The following COL7A1 variants were observed in gnomAD, a reference collection of about 807,000 sequenced individuals.
COL7A1 encodes the protein collagen alpha-1(VII) chain.
A neutral mutation model predicts 456.2 loss-of-function variants in COL7A1; 296 were observed. That is an observed-to-expected ratio of 0.65 (90% CI 0.59 to 0.71). The LOEUF is 0.71. COL7A1 is among the 30% of genes least tolerant of loss of function. The pLI is 0.00. For synonymous variants in COL7A1, 1,464 were observed against 1,525.9 expected, an observed-to-expected ratio of 0.96 and a Z score of 0.95; for missense variants, 3,441 against 4,017.2, an observed-to-expected ratio of 0.86 and a Z score of 3.88.
In COL7A1 at chr3:48,568,618, G is replaced by A; in HGVS notation, c.7759-84C>T. On this transcript the variant is annotated intron_variant, in intron 104 of 118. Coordinates refer to ENST00000681320, the MANE Select transcript of COL7A1 (RefSeq NM_000094.4). This position sits in a 1 kb window ranked among gnomAD's most constrained non-coding sequence, Gnocchi z 5.2. Reference sequence around the variant, plus strand: ...CCGCTGCATGTGTGGCCACTCAGATGCTCAGCGGCCAGGGCCCAGGCCACA... The same window carrying A: ...CCGCTGCATGTGTGGCCACTCAGATACTCAGCGGCCAGGGCCCAGGCCACA... The A allele has an allele frequency of 2.6e-6, 4 of 1,524,026 alleles. No individual in the cohort carries two copies. Among genetic ancestry groups the A allele is most frequent in the Non-Finnish European group, 3.6e-6 (4 of 1,119,984 alleles). 94.4% of individuals were successfully genotyped at this position (1,524,026 alleles called of 1,614,324 possible). A position where few individuals can be genotyped will look rare whatever the true frequency, so the allele number is the denominator to read the frequency against.
intron 34 of COL7A1, 44 bp from the exon 35 acceptor site, chr3:48,584,813 A>G (rs1233768349): frequency 5.6e-6 from 9 of 1,613,822 alleles, no homozygotes; most frequent in Non-Finnish European, 7.6e-6. Context: ...GGCTCAGGCG[A>G]ATGTCAACGT....
In COL7A1 at chr3:48,585,271, G is replaced by A. The variant is rs113845991; in HGVS notation, c.3895-155C>T. 0.017 allele frequency among the ~76,000 whole-genome samples: 2,513 copies of A among 152,270 alleles called. 68 individuals carry two copies. Among genetic ancestry groups the A allele is most frequent in the African/African-American group, 0.057 (2,361 of 41,540 alleles). ...AGTGAGGCAGAGAAATGGCCCCTCA[G>A]AGCTTCACAGAGCCCAATTCCAGGC... On this transcript the variant is annotated intron_variant, in intron 32 of 118. Coordinates refer to ENST00000681320, the MANE Select transcript of COL7A1 (RefSeq NM_000094.4). This position sits in a 1 kb window ranked among gnomAD's most constrained non-coding sequence, Gnocchi z 4.5.
chr3:48,569,708 C>T lies in COL7A1; in HGVS notation c.7557+17G>A, dbSNP rs2043790075. ...GCACCCTGGCCCCTGCCCTGCCCTC[C>T]CCATGCCCACACTCACCTTGTCACC... On this transcript the variant is annotated intron_variant, in intron 101 of 118. Coordinates refer to ENST00000681320, the MANE Select transcript of COL7A1 (RefSeq NM_000094.4). This position sits in a 1 kb window ranked among gnomAD's most constrained non-coding sequence, Gnocchi z 4.9. 1 of 1,614,052 alleles carries T rather than the reference C, an allele frequency of 6.2e-7. No homozygotes were observed. Among genetic ancestry groups the T allele is most frequent in the Admixed American group, 1.7e-5 (1 of 60,012 alleles).
Position 48,592,958 on chromosome 3 carries a change from G to A in COL7A1, c.683-20C>T, listed in dbSNP as rs2045814828. The A allele has an allele frequency of 6.2e-7, 1 of 1,613,388 alleles. No homozygotes were observed. The highest frequency in any genetic ancestry group is 1.3e-5 in the African/African-American group (1 of 75,044). On this transcript the variant is annotated intron_variant, in intron 6 of 118. Transcript: ENST00000681320. This position sits in a 1 kb window ranked among gnomAD's most constrained non-coding sequence, Gnocchi z 7.6. The stretch of plus-strand genomic sequence containing the variant: ...CATCCGCTGGGAATGCGGGATCAGG[G>A]GATCAGGCAGGAGGATTGGGGTGGG...
chr3:48,587,011 C>T lies in COL7A1; in HGVS notation c.3237G>A (p.Leu1079=), dbSNP rs777110195. The change falls in exon 25 of 119, where the codon CTG becomes CTA. Residue 1079 remains leucine, a synonymous_variant. Coordinates refer to ENST00000681320, the MANE Select transcript of COL7A1 (RefSeq NM_000094.4). This position sits in a 1 kb window ranked among gnomAD's most constrained non-coding sequence, Gnocchi z 6.1. ...GCCCAAGAGGCCCAAGTGCCAACACCAGACGCTCCAGGACCCTCCTCGTAG... is the reference window on the plus strand; with the variant it reads ...GCCCAAGAGGCCCAAGTGCCAACACTAGACGCTCCAGGACCCTCCTCGTAG... ...AEATRRVLER[L]VLALGPLGPQ... 1.2e-6 allele frequency: 2 copies of T among 1,601,874 alleles called. No individual in the cohort carries two copies. The highest frequency in any genetic ancestry group is 2.7e-5 in the African/African-American group (2 of 74,746).
In COL7A1 at chr3:48,575,513, G is replaced by A. The variant is rs200826090; in HGVS notation, c.6006C>T (p.Arg2002=). Residue 2002 remains arginine, a synonymous_variant, in exon 74 of 119, where the codon CGC becomes CGT. Transcript: ENST00000681320. The surrounding 1 kb of genome is among the most constrained non-coding windows in gnomAD (Gnocchi z 6.3). ...GGTCTCCACGGTCGCCCTTCAGCCCGCGTTCTCCAGGAAAGCCGATGGGGC... is the reference window on the plus strand; with the variant it reads ...GGTCTCCACGGTCGCCCTTCAGCCCACGTTCTCCAGGAAAGCCGATGGGGC... ...KEGPIGFPGE[R]GLKGDRGDPG... The A allele has an allele frequency of 4.5e-5, 72 of 1,612,556 alleles. No homozygotes were observed. The highest frequency in any genetic ancestry group is 5.3e-5 in the Non-Finnish European group (63 of 1,179,938).
In COL7A1 at chr3:48,593,120, C is replaced by T. The variant is rs942152368; in HGVS notation, c.664G>A (p.Val222Met). Residue 222 changes from valine to methionine, a missense_variant, in exon 6 of 119, where the codon GTG becomes ATG. By Grantham distance (21) the Val-to-Met change is conservative. Transcript: ENST00000681320. The surrounding 1 kb of genome is among the most constrained non-coding windows in gnomAD (Gnocchi z 4.4). ...SRRVCTTAGG[V>M]PVTRPPDDST... Reference sequence around the variant, plus strand: ...AACTCACGAGGTCGGGTCACAGGCACGCCACCAGCAGTCGTGCACACTCTC... The same window carrying T: ...AACTCACGAGGTCGGGTCACAGGCATGCCACCAGCAGTCGTGCACACTCTC... The T allele has an allele frequency of 1.2e-5, 20 of 1,614,032 alleles. No individual in the cohort carries two copies. Among genetic ancestry groups the T allele is most frequent in the East Asian group, 6.7e-5 (3 of 44,866 alleles).
chr3:48,572,472 C>A lies in COL7A1; in HGVS notation c.6936+31G>T. ...ATTCCTTGGCCCCCACCAGTTGACC[C>A]CCCCTCACTGGCAGCCCCACACACA... On this transcript the variant is annotated intron_variant, in intron 89 of 118. Transcript: ENST00000681320. This position sits in a 1 kb window ranked among gnomAD's most constrained non-coding sequence, Gnocchi z 4.6. 2 of 1,613,840 alleles carry A rather than the reference C, an allele frequency of 1.2e-6. No homozygotes were observed. The highest frequency in any genetic ancestry group is 2.7e-5 in the African/African-American group (2 of 74,918).
rs747379479 is a variant in COL7A1, at chr3:48,595,100, T to C, written c.60A>G (p.Arg20=). The part of the protein sequence containing the change: ...LCAGILAEAP[R]VRAQHRERVT... ...CTCTCTCCCTGTGCTGGGCTCGCACTCGGGGCGCCTCTGCCAGGATCCCGG... is the reference window on the plus strand; with the variant it reads ...CTCTCTCCCTGTGCTGGGCTCGCACCCGGGGCGCCTCTGCCAGGATCCCGG... Residue 20 remains arginine, a synonymous_variant, in exon 2 of 119, where the codon CGA becomes CGG. Coordinates refer to ENST00000681320, the MANE Select transcript of COL7A1 (RefSeq NM_000094.4). 1.9e-6 allele frequency: 3 copies of C among 1,552,978 alleles called. No homozygotes were observed. The South Asian group carries it at 3.6e-5, about 18-fold the overall frequency.
At position 48,582,501 on chromosome 3, in the gene COL7A1, G is replaced by A. The variant is rs777042465; in HGVS notation, c.4576C>T (p.Pro1526Ser). 6 of 1,614,132 alleles carry A rather than the reference G, an allele frequency of 3.7e-6. No homozygotes were observed. The African/African-American group carries it at 6.7e-5, about 18-fold the overall frequency. Residue 1526 changes from proline (P) to serine (S), a missense_variant, in exon 46 of 119, where the codon CCC (proline) becomes TCC (serine). This residue lies in a region of COL7A1 where 2,084 missense variants were observed against 2,501.3 expected (regional missense o/e 0.83). Transcript: ENST00000681320. Reference protein sequence around the residue: ...GAKGPEGPPGPTGRQGEKGEP... With the variant: ...GAKGPEGPPGSTGRQGEKGEP... ...ACCTTCTCTCCTTGGCGGCCAGTGG[G>A]TCCTGGTGGCCCCTGAATGTAGAGA... is the stretch of plus-strand genomic sequence containing the variant.
chr3:48,575,544 A>C lies in COL7A1; in HGVS notation c.5980-5T>G, dbSNP rs1560217036. The C allele has an allele frequency of 6.2e-7, 1 of 1,612,750 alleles. No homozygotes were observed. The highest frequency in any genetic ancestry group is 2.2e-5 in the East Asian group (1 of 44,880). ...TCCAGGAAAGCCGATGGGGCCCTGC[A>C]GGAGTGGAAGAGAGAATGCTGGTGG... is the stretch of plus-strand genomic sequence containing the variant. On this transcript the variant is annotated splice_region_variant and splice_polypyrimidine_tract_variant and intron_variant, in intron 73 of 118. Transcript: ENST00000681320. This position sits in a 1 kb window ranked among gnomAD's most constrained non-coding sequence, Gnocchi z 6.3.
intron 44 of COL7A1, 106 bp downstream of exon 44, chr3:48,582,907 G>T: frequency 6.6e-7 from 1 of 1,519,756 alleles, no homozygotes; most frequent in South Asian, 1.1e-5. Context: ...AGTGGTCATT[G>T]AGGAGGGGTG....
In COL7A1 at chr3:48,573,645, C is replaced by G. The variant is rs759063140; in HGVS notation, c.6573+45G>C. On this transcript the variant is annotated intron_variant, in intron 82 of 118. Transcript: ENST00000681320. This position sits in a 1 kb window ranked among gnomAD's most constrained non-coding sequence, Gnocchi z 5.5. ...CATCAGCTGTGGCCAATGCCTATCCCAGCCCTTCCAGACCCTCACCAGGCA... is the reference window on the plus strand; with the variant it reads ...CATCAGCTGTGGCCAATGCCTATCCGAGCCCTTCCAGACCCTCACCAGGCA... The G allele has an allele frequency of 1.9e-6, 3 of 1,612,794 alleles. No homozygotes were observed. Among genetic ancestry groups the G allele is most frequent in the South Asian group, 1.1e-5 (1 of 90,944 alleles).
At position 48,574,504 on chromosome 3, in the gene COL7A1, C is replaced by T. The variant is rs760834801; in HGVS notation, c.6440G>A (p.Gly2147Asp). 4.3e-6 allele frequency: 7 copies of T among 1,614,100 alleles called. No individual in the cohort carries two copies. The highest frequency in any genetic ancestry group is 5.9e-6 in the Non-Finnish European group (7 of 1,180,024). Residue 2147 changes from glycine to aspartate, a missense_variant, in exon 79 of 119, where the codon GGT becomes GAT. Coordinates refer to ENST00000681320, the MANE Select transcript of COL7A1 (RefSeq NM_000094.4). The surrounding 1 kb of genome is among the most constrained non-coding windows in gnomAD (Gnocchi z 5.0). ...KGDRGEPGPRGQDGNPGLPGE... is the reference protein window; with the variant it reads ...KGDRGEPGPRDQDGNPGLPGE... ...AGGACTTACCGGGTTGCCGTCCTGACCCCTCGGTCCAGGCTCTCCCCGGTC... is the reference window on the plus strand; with the variant it reads ...AGGACTTACCGGGTTGCCGTCCTGATCCCTCGGTCCAGGCTCTCCCCGGTC...
rs2045538364 is a variant in COL7A1 at position 48,589,466 on chromosome 3, T to G, written c.2175A>C (p.Pro725=). ...CCCCAGAAACCAACTGGGATTTCTC[T>G]GGGCCTGGGAACAGGGATGGAGGCA... The part of the protein sequence containing the change: ...YRVSWHSAHG[P]EKSQLVSGEA... The change falls in exon 18 of 119, where the codon CCA becomes CCC. Residue 725 remains proline, a synonymous_variant. Transcript: ENST00000681320. 1.9e-6 allele frequency: 3 copies of G among 1,613,676 alleles called. No homozygotes were observed. Among genetic ancestry groups the G allele is most frequent in the Non-Finnish European group, 2.5e-6 (3 of 1,180,014 alleles).
chr3:48,581,982 T>C lies in COL7A1; in HGVS notation c.4636-39A>G, dbSNP rs562634817. On this transcript the variant is annotated intron_variant, in intron 47 of 118. Coordinates refer to ENST00000681320, the MANE Select transcript of COL7A1 (RefSeq NM_000094.4). This position sits in a 1 kb window ranked among gnomAD's most constrained non-coding sequence, Gnocchi z 5.8. ...GGACAGATACAGCTTGGCCCTGCCT[T>C]GGGGTTGTATGATCAAAGTCTTCAT... The C allele has an allele frequency of 2.7e-5, 43 of 1,613,818 alleles. No homozygotes were observed. In the Admixed American group the frequency reaches 5.5e-4, roughly 21 times the overall value.
Position 48,566,785 on chromosome 3 carries a change from C to T in COL7A1, c.8227-48G>A. The T allele has an allele frequency of 1.2e-6, 2 of 1,608,954 alleles. No homozygotes were observed. Among genetic ancestry groups the T allele is most frequent in the Non-Finnish European group, 8.5e-7 (1 of 1,176,512 alleles). Reference sequence around the variant, plus strand: ...GAGCAGGGTCAGAGGCAGTGGGGATCAGAGTCAGGCAGGTTGGGGGCCACA... The same window carrying T: ...GAGCAGGGTCAGAGGCAGTGGGGATTAGAGTCAGGCAGGTTGGGGGCCACA... On this transcript the variant is annotated intron_variant, in intron 111 of 118. Coordinates refer to ENST00000681320, the MANE Select transcript of COL7A1 (RefSeq NM_000094.4). The surrounding 1 kb of genome is among the most constrained non-coding windows in gnomAD (Gnocchi z 5.9).
At position 48,575,076 on chromosome 3, in the gene COL7A1, G is replaced by T. The variant is rs2044195716; in HGVS notation, c.6267C>A (p.Pro2089=). The change falls in exon 76 of 119, where the codon CCC becomes CCA. Residue 2089 remains proline (P), a synonymous_variant. Transcript: ENST00000681320. This position sits in a 1 kb window ranked among gnomAD's most constrained non-coding sequence, Gnocchi z 6.3. The part of the protein sequence containing the change: ...GLPGTPGPPG[P]PGPKVSVDEP... ...ATGGGGTGATCACCTTGGGGCCAGG[G>T]GGTCCGGGGGGCCCAGGGGTTCCAG... is the stretch of plus-strand genomic sequence containing the variant. 2 of 1,613,578 alleles carry T rather than the reference G, an allele frequency of 1.2e-6. No homozygotes were observed.
At position 48,572,903 on chromosome 3, in the gene COL7A1, C is replaced by T. The variant is rs147356310; in HGVS notation, c.6790G>A (p.Ala2264Thr). Reference sequence around the variant, plus strand: ...CCTCTGTCTCCATCTTTTCCACTGGCACCATCTCGACCTGGGGCTCCCGGC... The same window carrying T: ...CCTCTGTCTCCATCTTTTCCACTGGTACCATCTCGACCTGGGGCTCCCGGC... ...GKPGAPGRDGASGKDGDRGSP... is the reference protein window; with the variant it reads ...GKPGAPGRDGTSGKDGDRGSP... Residue 2264 changes from alanine (A) to threonine (T), a missense_variant, in exon 87 of 119, where the codon GCC becomes ACC. Transcript: ENST00000681320. This position sits in a 1 kb window ranked among gnomAD's most constrained non-coding sequence, Gnocchi z 4.6. 4 of 1,613,970 alleles carry T rather than the reference C, an allele frequency of 2.5e-6. No homozygotes were observed. The highest frequency in any genetic ancestry group is 3.4e-6 in the Non-Finnish European group (4 of 1,180,002).
Sources: allele counts gnomAD v4.1 joint callset (sites outside exome capture counted in the v4.1 genomes callset), GRCh38; gene constraint gnomAD v4.1.1; regional missense constraint gnomAD v4.1.1; non-coding constraint Gnocchi (gnomAD v3.1); transcripts MANE v1.5; gene names NCBI Gene and HGNC (gene_info 2026-07-23, HGNC 2026-07-21).